NEDD4L: variants seen among roughly 807,000 people sequenced by gnomAD.
NEDD4L encodes the protein E3 ubiquitin-protein ligase NEDD4-like.
NEDD4L carries 54 observed loss-of-function variants against 148.9 expected under a neutral mutation model. The observed-to-expected ratio is 0.36, with a 90% confidence interval of 0.29 to 0.45. The LOEUF (loss-of-function observed/expected upper bound fraction) is 0.45. Ranked by LOEUF, NEDD4L falls within the 20% of genes least tolerant of loss-of-function variation. NEDD4L has a pLI of 1.00. For missense variants in NEDD4L, 856 were observed against 1,233.8 expected (o/e 0.69, Z 4.59); for synonymous variants, 433 against 440.7 (o/e 0.98, Z 0.22).
At chr18:58,178,425 A>G (rs780049226) in intron 2 of NEDD4L, among the ~76,000 whole-genome samples, 3 of 147,672 alleles carry the variant, frequency 2.0e-5, no homozygotes, top group East Asian at 2.0e-4. Flanking sequence ...TTTTTGCCTT[A>G]GAGAAAACGC....
chr18:58,169,191 A>G (rs2037249783), intron 2 of NEDD4L, among the ~76,000 whole-genome samples: 1 of 152,098 alleles, frequency 6.6e-6, no homozygotes, highest in Non-Finnish European at 1.5e-5. Flanking sequence ...ATCCAAGATC[A>G]TTTTCAGCTC....
intron 25 of NEDD4L, among the ~76,000 whole-genome samples, chr18:58,384,630 C>G (rs2048771166): frequency 6.6e-6 from 1 of 152,166 alleles, no homozygotes; most frequent in African/African-American, 2.4e-5. Flanking sequence ...AGGCAGGGTT[C>G]CAGCTAGCTT....
intron 1 of NEDD4L, among the ~76,000 whole-genome samples, chr18:58,060,379 G>A (rs4381674): frequency 0.81 from 122,932 of 152,038 alleles, 50,270 homozygotes; most frequent in East Asian, 1. Context: ...CTTCTGAGTC[G>A]CTGGGATTAC....
rs369231070 is a variant in NEDD4L, at chr18:58,293,707, T to G, written c.298-22275T>G. Among the ~76,000 whole-genome samples the G allele has an allele frequency of 2.4e-4, 36 of 152,334 alleles. 1 individual carries two copies. The South Asian group carries it at 7.5e-3, about 32-fold the overall frequency. On this transcript the variant is annotated intron_variant, in intron 5 of 30. Transcript: ENST00000400345. The stretch of plus-strand genomic sequence containing the variant: ...AATGGGTTCTCATGAGTTGTTTATT[T>G]TATAAGATCTCCTGTTTACTCAGAG...
At chr18:58,216,596 A>G (rs1296392524) in intron 2 of NEDD4L, among the ~76,000 whole-genome samples, 1 of 152,174 alleles carries the variant, frequency 6.6e-6, no homozygotes, top group African/African-American at 2.4e-5. Context: ...TGGATGTGTA[A>G]GAGAGAAAGG....
intron 9 of NEDD4L, among the ~76,000 whole-genome samples, chr18:58,327,070 T>A (rs952072978): frequency 3.9e-5 from 6 of 152,316 alleles, no homozygotes; most frequent in African/African-American, 1.4e-4. Flanking sequence ...ACTTGCTGGC[T>A]CTTCACTAGT....
intron 2 of NEDD4L, among the ~76,000 whole-genome samples, chr18:58,244,920 T>C (rs1381139264): frequency 6.6e-6 from 1 of 152,188 alleles, no homozygotes; most frequent in Admixed American, 6.5e-5. Flanking sequence ...GGTCTTGAAC[T>C]CCTGACCTCA....
chr18:58,141,713 A>T (rs1230990717), intron 1 of NEDD4L, among the ~76,000 whole-genome samples: 4 of 152,228 alleles, frequency 2.6e-5, no homozygotes, highest in Admixed American at 6.5e-5. Context: ...TGCATGTATT[A>T]TATATGTGCA....
chr18:58,223,522 G>T (rs1290732133), intron 2 of NEDD4L, among the ~76,000 whole-genome samples: 2 of 151,938 alleles, frequency 1.3e-5, no homozygotes, highest in East Asian at 1.9e-4. Flanking sequence ...GGGATGGGAG[G>T]GTTGTTTGGG....
intron 6 of NEDD4L, among the ~76,000 whole-genome samples, chr18:58,316,351 C>T (rs1405451847): frequency 6.6e-6 from 1 of 152,214 alleles, no homozygotes; most frequent in African/African-American, 2.4e-5. Flanking sequence ...ACTCAGGCCT[C>T]CCTTCTTGTC....
chr18:58,327,260 G>A (rs2144537023), intron 9 of NEDD4L, among the ~76,000 whole-genome samples: 1 of 152,308 alleles, frequency 6.6e-6, no homozygotes, highest in African/African-American at 2.4e-5. Flanking sequence ...GCCATGCCCA[G>A]CTAATGTTTG....
intron 2 of NEDD4L, among the ~76,000 whole-genome samples, chr18:58,203,209 C>G (rs1281981827): frequency 6.6e-6 from 1 of 152,156 alleles, no homozygotes; most frequent in Non-Finnish European, 1.5e-5. Flanking sequence ...TCAAGCCATC[C>G]TACCACCTCA....
At chr18:58,257,343 G>T (rs1160368861) in intron 5 of NEDD4L, among the ~76,000 whole-genome samples, 2 of 152,146 alleles carry the variant, frequency 1.3e-5, no homozygotes, top group East Asian at 3.9e-4. Context: ...AATTTGCTTT[G>T]TTTTTTGTCC....
At chr18:58,318,127 G>A (rs1253599605) in intron 6 of NEDD4L, among the ~76,000 whole-genome samples, 1 of 152,234 alleles carries the variant, frequency 6.6e-6, no homozygotes, top group African/African-American at 2.4e-5. Context: ...TGAGTGTGGA[G>A]AGGGCGGGAG....
At chr18:58,314,183 G>A (rs961042805) in intron 5 of NEDD4L, among the ~76,000 whole-genome samples, 9 of 152,260 alleles carry the variant, frequency 5.9e-5, no homozygotes, top group East Asian at 3.9e-4. Flanking sequence ...TTGGGAGGTC[G>A]AGGAGGGCAG....
intron 3 of NEDD4L, 126 bp from the exon 4 acceptor site, chr18:58,248,773 G>A (rs117761671): frequency 2.8e-5 from 16 of 580,180 alleles, no homozygotes; most frequent in African/African-American, 1.5e-4. Context: ...TCAAATAATC[G>A]ACTAAATGCT....
In NEDD4L at chr18:58,292,939, C is replaced by T. The variant is rs1176498891; in HGVS notation, c.298-23043C>T. On this transcript the variant is annotated intron_variant, in intron 5 of 30. Coordinates refer to ENST00000400345, the MANE Select transcript of NEDD4L (RefSeq NM_001144967.3). Reference sequence around the variant, plus strand: ...TATAAGGCACATGAATGGACAACCACGTTGTTTTTTGCTCTTTTATATGTT... The same window carrying T: ...TATAAGGCACATGAATGGACAACCATGTTGTTTTTTGCTCTTTTATATGTT... Among the ~76,000 whole-genome samples, 7 of 152,170 alleles carry T rather than the reference C, an allele frequency of 4.6e-5. No individual in the cohort carries two copies. In the East Asian group the frequency reaches 9.6e-4, roughly 21 times the overall value.
chr18:58,266,974 A>G (rs923834979), intron 5 of NEDD4L, among the ~76,000 whole-genome samples: 2 of 152,094 alleles, frequency 1.3e-5, no homozygotes. Flanking sequence ...ACTGGCTACT[A>G]TTAAAATAAT....
intron 2 of NEDD4L, among the ~76,000 whole-genome samples, chr18:58,186,391 T>G (rs1407591404): frequency 6.6e-6 from 1 of 152,228 alleles, no homozygotes; most frequent in Non-Finnish European, 1.5e-5. Flanking sequence ...ACCCCTGATG[T>G]GAGCAGGAGA....
Sources: allele counts gnomAD v4.1 joint callset (sites outside exome capture counted in the v4.1 genomes callset), GRCh38; gene constraint gnomAD v4.1.1; transcripts MANE v1.5; gene names NCBI Gene and HGNC (gene_info 2026-07-23, HGNC 2026-07-21).